Variants in STK3 observed in about 807,000 individuals in gnomAD.
STK3 encodes serine/threonine-protein kinase 3.
In STK3, 41 loss-of-function variants were observed where a neutral mutation model predicts 58.0. The observed-to-expected ratio is 0.71, with a 90% CI of 0.55 to 0.92. The LOEUF is 0.92. Ranked by LOEUF, STK3 falls within the 40% of genes least tolerant of loss-of-function variation. The pLI, the probability that STK3 is intolerant of heterozygous loss-of-function variation, is 0.00. For synonymous variants in STK3, 170 were observed against 191.0 expected (o/e 0.89, Z 0.91); for missense variants, 479 against 602.7 (o/e 0.79, Z 2.15).
chr8:98,521,119 G>C (rs745603010), intron 10 of STK3, among the ~76,000 whole-genome samples: 13 of 152,142 alleles, frequency 8.5e-5, no homozygotes, highest in Non-Finnish European at 1.9e-4. Flanking sequence ...TGAGAGGGTT[G>C]AGCAGTTCCA....
chr8:98,429,195 A>G (rs755826314), intron 3 of STK3: 1 of 1,614,018 alleles, frequency 6.2e-7, no homozygotes, highest in Non-Finnish European at 8.5e-7. Flanking sequence ...GGTCCTGCCC[A>G]TCACCTTGAT....
chr8:98,608,389 T>C (rs941328594), intron 6 of STK3, among the ~76,000 whole-genome samples: 1 of 152,210 alleles, frequency 6.6e-6, no homozygotes, highest in Admixed American at 6.5e-5. Context: ...AAAACCACTA[T>C]TCTATAGTGA....
At chr8:98,547,878 G>T (rs1810838921) in intron 9 of STK3, 91 bp downstream of exon 9, 3 of 1,176,460 alleles carry the variant, frequency 2.6e-6, no homozygotes, top group African/African-American at 3.2e-5. Context: ...TCCACAGTTG[G>T]CTATAAAAAG....
At chr8:98,458,272 A>G (rs1405822470) in intron 10 of STK3, among the ~76,000 whole-genome samples, 1 of 152,140 alleles carries the variant, frequency 6.6e-6, no homozygotes, top group East Asian at 1.9e-4. Context: ...TTTGGGCAGT[A>G]AGGTCTTTTT....
intron 6 of STK3, among the ~76,000 whole-genome samples, chr8:98,650,786 G>A (rs1352038648): frequency 1.3e-5 from 2 of 152,246 alleles, no homozygotes; most frequent in Non-Finnish European, 2.9e-5. Flanking sequence ...GAGGCTGGGG[G>A]AGGGGCGCCT....
At chr8:98,904,711 A>G (rs552568457) in intron 1 of STK3, 2 of 812,696 alleles carry the variant, frequency 2.5e-6, no homozygotes, top group African/African-American at 1.7e-5. Flanking sequence ...TCTCTGGCCC[A>G]TAACCGTAGC....
upstream of STK3, among the ~76,000 whole-genome samples, chr8:98,829,103 G>T (rs1412446734): frequency 6.6e-6 from 1 of 152,190 alleles, no homozygotes; most frequent in Non-Finnish European, 1.5e-5. Flanking sequence ...GATCATCTGA[G>T]GGAGAAAGGA....
rs1407922699 is a variant in STK3 at position 98,602,891 on chromosome 8, A to AT, written c.685-6723_685-6722insA. Among the ~76,000 whole-genome samples, 5 of 143,154 alleles carry AT rather than the reference A, an allele frequency of 3.5e-5. No homozygotes were observed. The East Asian group carries it at 1.0e-3, about 29-fold the overall frequency. 93.9% of individuals were successfully genotyped at this position (143,154 alleles called of 152,430 possible). ...TCCAAATAACTAAAAAAAAAAAAAA[A>AT]GCCTAAGAACTTGGAAGTACCAAAT... is the stretch of plus-strand genomic sequence containing the variant. On this transcript the variant is annotated intron_variant, in intron 6 of 10. Coordinates refer to ENST00000419617, the MANE Select transcript of STK3 (RefSeq NM_006281.4).
chr8:98,384,316 T>C (rs910889651), intron 1 of STK3, among the ~76,000 whole-genome samples: 10 of 152,202 alleles, frequency 6.6e-5, no homozygotes, highest in Non-Finnish European at 1.3e-4. Flanking sequence ...ACCATTGCAA[T>C]AGGGGCTCTT....
chr8:98,511,438 G>C (rs1426987126), intron 10 of STK3, among the ~76,000 whole-genome samples: 2 of 151,832 alleles, frequency 1.3e-5, no homozygotes, highest in African/African-American at 4.8e-5. Flanking sequence ...TTTAAATATA[G>C]TCATACCTAA....
intron 3 of STK3, among the ~76,000 whole-genome samples, chr8:98,856,922 A>T (rs1438659796): frequency 6.6e-6 from 1 of 152,256 alleles, no homozygotes; most frequent in Admixed American, 6.5e-5. Flanking sequence ...ATGAACCTTG[A>T]AAACATTACA....
intron 7 of STK3, among the ~76,000 whole-genome samples, chr8:98,583,275 T>C (rs1201656340): frequency 6.6e-6 from 1 of 151,472 alleles, no homozygotes; most frequent in Non-Finnish European, 1.5e-5. Flanking sequence ...TATCATCACA[T>C]GTGTTAGAAT....
At chr8:98,823,767 T>C (rs1369874555) in intron 1 of STK3, among the ~76,000 whole-genome samples, 1 of 152,172 alleles carries the variant, frequency 6.6e-6, no homozygotes, top group Non-Finnish European at 1.5e-5. Context: ...CCTCATTTAA[T>C]CCCCACAATA....
At chr8:98,752,199 A>C (rs1033272972) in intron 3 of STK3, among the ~76,000 whole-genome samples, 1 of 152,202 alleles carries the variant, frequency 6.6e-6, no homozygotes, top group Non-Finnish European at 1.5e-5. Flanking sequence ...TTCAAAATAC[A>C]CTACAGGGCT....
At chr8:98,493,776 C>T (rs893316080) in intron 10 of STK3, among the ~76,000 whole-genome samples, 2 of 152,146 alleles carry the variant, frequency 1.3e-5, no homozygotes, top group Admixed American at 6.5e-5. Context: ...TCTGATGGTA[C>T]TTATATAACC....
chr8:98,694,444 C>A (rs1824682753), intron 6 of STK3, among the ~76,000 whole-genome samples: 1 of 152,038 alleles, frequency 6.6e-6, no homozygotes, highest in African/African-American at 2.4e-5. Flanking sequence ...GGGTGTGCTG[C>A]ACCCATTAAC....
intron 3 of STK3, among the ~76,000 whole-genome samples, chr8:98,832,068 A>C (rs1463147323): frequency 6.6e-6 from 1 of 152,086 alleles, no homozygotes; most frequent in Non-Finnish European, 1.5e-5. Context: ...AAGGTTCATA[A>C]ATTTGGAGTG....
intron 4 of STK3, among the ~76,000 whole-genome samples, chr8:98,740,009 A>G (rs1829043237): frequency 6.6e-6 from 1 of 152,188 alleles, no homozygotes; most frequent in Non-Finnish European, 1.5e-5. Flanking sequence ...TGGAAGACGA[A>G]ATAAATGAAA....
chr8:98,697,205 C>T (rs1014275641), intron 6 of STK3, among the ~76,000 whole-genome samples: 21 of 152,168 alleles, frequency 1.4e-4, no homozygotes, highest in African/African-American at 5.1e-4. Flanking sequence ...GTGGTGATTT[C>T]ACCTTTATCA....
Sources: allele counts gnomAD v4.1 joint callset (sites outside exome capture counted in the v4.1 genomes callset), GRCh38; gene constraint gnomAD v4.1.1; transcripts MANE v1.5; gene names NCBI Gene and HGNC (gene_info 2026-07-23, HGNC 2026-07-21).